The following KCNAB1 variants were observed in gnomAD, a reference collection of about 807,000 sequenced individuals.
KCNAB1 encodes voltage-gated potassium channel subunit beta-1.
Under a neutral mutation model 64.6 loss-of-function variants are expected in KCNAB1, and 35 were observed. The ratio of observed to expected loss-of-function variants is 0.54; its 90% CI spans 0.41 to 0.72. KCNAB1 has a LOEUF of 0.72. Ranked by LOEUF, KCNAB1 falls within the 30% of genes least tolerant of loss-of-function variation. The pLI, the probability that KCNAB1 is intolerant of heterozygous loss-of-function variation, is 0.00. For missense variants in KCNAB1, 401 were observed against 512.9 expected, an observed-to-expected ratio of 0.78 and a Z score of 2.11; for synonymous variants, 177 against 183.8, an observed-to-expected ratio of 0.96 and a Z score of 0.30.
rs578196115 is a variant in KCNAB1 at position 156,154,325 on chromosome 3, C to G, written c.275+33439C>G. On this transcript the variant is annotated intron_variant, in intron 1 of 13. Transcript: ENST00000490337. ...CAGCTAGCTCTTCTTTCCCTTTCTA[C>G]CAGTTGTCCCTCAATCCCACTGGCA... Among the ~76,000 whole-genome samples, 6 of 152,268 alleles carry G rather than the reference C, an allele frequency of 3.9e-5. No homozygotes were observed. The East Asian group carries it at 1.2e-3, about 29-fold the overall frequency.
At chr3:156,261,930 T>C (rs1718455323) in intron 1 of KCNAB1, among the ~76,000 whole-genome samples, 1 of 152,006 alleles carries the variant, frequency 6.6e-6, no homozygotes, top group South Asian at 2.1e-4. Context: ...ATGCAAAATT[T>C]GTACTTCTTT....
intron 3 of KCNAB1, among the ~76,000 whole-genome samples, chr3:156,454,283 G>C (rs140925510): frequency 1.6e-3 from 240 of 152,312 alleles, no homozygotes; most frequent in African/African-American, 5.4e-3. Context: ...TCATGATGCA[G>C]CCTCAACAAT....
intron 12 of KCNAB1, among the ~76,000 whole-genome samples, chr3:156,529,048 A>G (rs957989706): frequency 1.3e-5 from 2 of 152,186 alleles, no homozygotes; most frequent in Admixed American, 6.5e-5. Context: ...GAGTGAGGGC[A>G]GCAGTGACTG....
chr3:156,293,675 T>C (rs1217944633), intron 1 of KCNAB1, among the ~76,000 whole-genome samples: 1 of 152,214 alleles, frequency 6.6e-6, no homozygotes, highest in African/African-American at 2.4e-5. Flanking sequence ...GGTCAACTCA[T>C]TGAAGCATCA....
chr3:156,395,124 C>T (rs963790005), intron 1 of KCNAB1, among the ~76,000 whole-genome samples: 1 of 152,150 alleles, frequency 6.6e-6, no homozygotes, highest in Non-Finnish European at 1.5e-5. Flanking sequence ...GTGTTGTGAT[C>T]GTTTTTCCAG....
intron 1 of KCNAB1, among the ~76,000 whole-genome samples, chr3:156,153,549 G>T (rs574187442): frequency 1.3e-5 from 2 of 152,316 alleles, no homozygotes; most frequent in South Asian, 4.1e-4. Flanking sequence ...GTTTTTGCAT[G>T]AAATTAACAT....
At chr3:156,461,758 C>T (rs1422635567) in intron 5 of KCNAB1, among the ~76,000 whole-genome samples, 6 of 152,192 alleles carry the variant, frequency 3.9e-5, no homozygotes, top group Non-Finnish European at 7.3e-5. Context: ...ATTTTATATA[C>T]CTTTTGTAGA....
chr3:156,462,476 A>G (rs1378312939), intron 5 of KCNAB1, among the ~76,000 whole-genome samples: 1 of 152,230 alleles, frequency 6.6e-6, no homozygotes, highest in Non-Finnish European at 1.5e-5. Flanking sequence ...TAACCTGGAA[A>G]GTACATCAGC....
At chr3:156,224,465 G>T (rs1716024346) in intron 1 of KCNAB1, among the ~76,000 whole-genome samples, 1 of 152,222 alleles carries the variant, frequency 6.6e-6, no homozygotes, top group Non-Finnish European at 1.5e-5. Context: ...GGCTGCGAGG[G>T]CTGCCAGCAT....
rs1265442502 is a variant in KCNAB1, at chr3:156,281,455, G to A, written c.276-140161G>A. Among the ~76,000 whole-genome samples, 18 of 149,964 alleles carry A rather than the reference G, an allele frequency of 1.2e-4. 1 individual carries two copies. The highest frequency in any genetic ancestry group is 1.2e-3 in the Admixed American group (18 of 15,102). ...TTTTGTTGTGTCTCTGCCTGGCTTT[G>A]GTATCAGAATGATGCTGGCCTCATA... On this transcript the variant is annotated intron_variant, in intron 1 of 13. Coordinates refer to ENST00000490337, the MANE Select transcript of KCNAB1 (RefSeq NM_172160.3).
chr3:156,447,999 G>T (rs13324809), intron 2 of KCNAB1, among the ~76,000 whole-genome samples: 33,967 of 151,926 alleles, frequency 0.22, 7,185 homozygotes, highest in African/African-American at 0.56. Context: ...ACGATAATGA[G>T]GTAACCAAGA....
intron 9 of KCNAB1, among the ~76,000 whole-genome samples, 189 bp downstream of exon 9, chr3:156,514,638 G>A (rs1287188461): frequency 6.6e-6 from 1 of 152,212 alleles, no homozygotes; most frequent in African/African-American, 2.4e-5. Flanking sequence ...ATACAACAGA[G>A]AATACAGTGT....
chr3:156,261,671 C>T (rs903801209), intron 1 of KCNAB1, among the ~76,000 whole-genome samples: 1 of 151,972 alleles, frequency 6.6e-6, no homozygotes, highest in African/African-American at 2.4e-5. Context: ...AAAATTAGAT[C>T]ATGTAAGTTC....
At chr3:156,316,681 G>A (rs1043655826) in intron 1 of KCNAB1, among the ~76,000 whole-genome samples, 4 of 152,240 alleles carry the variant, frequency 2.6e-5, no homozygotes, top group Admixed American at 2.6e-4. Flanking sequence ...AGCAGCTGAA[G>A]AGAGGGTGGT....
chr3:156,520,639 C>T (rs531090275), intron 11 of KCNAB1, among the ~76,000 whole-genome samples: 48 of 152,038 alleles, frequency 3.2e-4, no homozygotes, highest in Admixed American at 1.4e-3. Context: ...ATGCACACCT[C>T]GATGAATCAA....
intron 1 of KCNAB1, among the ~76,000 whole-genome samples, chr3:156,327,933 C>CA (rs1723081841): frequency 6.6e-6 from 1 of 152,106 alleles, no homozygotes; most frequent in Admixed American, 6.6e-5. Context: ...CCCAGTTCTG[C>CA]ATAGCTCTTA....
chr3:156,163,018 CT>C (rs1382550882), intron 1 of KCNAB1, among the ~76,000 whole-genome samples: 2 of 152,176 alleles, frequency 1.3e-5, no homozygotes, highest in South Asian at 2.1e-4. Flanking sequence ...TAGAAAATTG[CT>C]TTTAAAATTC....
At chr3:156,334,051 T>C (rs1350626210) in intron 1 of KCNAB1, among the ~76,000 whole-genome samples, 1 of 152,214 alleles carries the variant, frequency 6.6e-6, no homozygotes, top group Non-Finnish European at 1.5e-5. Context: ...TGGGTTCGTG[T>C]CATGCTTTAA....
rs564243300 is a variant in KCNAB1, at chr3:156,404,079, T to C, written c.276-17537T>C. 4.6e-5 allele frequency among the ~76,000 whole-genome samples: 7 copies of C among 152,290 alleles called. No individual in the cohort carries two copies. The East Asian group carries it at 9.6e-4, about 21-fold the overall frequency. ...TTATAATGGCTCTTCCTAAATACAA[T>C]GCATAGTTGATGTAGCAAGAGATTT... On this transcript the variant is annotated intron_variant, in intron 1 of 13. Coordinates refer to ENST00000490337, the MANE Select transcript of KCNAB1 (RefSeq NM_172160.3).
Sources: allele counts gnomAD v4.1 joint callset (sites outside exome capture counted in the v4.1 genomes callset), GRCh38; gene constraint gnomAD v4.1.1; transcripts MANE v1.5; gene names NCBI Gene and HGNC (gene_info 2026-07-23, HGNC 2026-07-21).